KIAA1217: variants seen among roughly 807,000 people sequenced by gnomAD.
KIAA1217 encodes the protein KIAA1217.
KIAA1217 carries 88 observed loss-of-function variants against 163.9 expected under a neutral mutation model. The ratio of observed to expected loss-of-function variants is 0.54; its 90% CI spans 0.45 to 0.64. The LOEUF (loss-of-function observed/expected upper bound fraction) is 0.64, where lower values mean the gene tolerates loss of function less well. KIAA1217 is among the 30% of genes least tolerant of loss of function. The probability of loss-of-function intolerance (pLI) is 0.00; values close to 1 mark genes in which losing one functional copy is unlikely to be tolerated. For synonymous variants in KIAA1217, 903 were observed against 923.1 expected (o/e 0.98, Z 0.39); for missense variants, 2,372 against 2,475.0 (o/e 0.96, Z 0.88).
At chr10:23,854,849 T>G (rs894313599) in intron 1 of KIAA1217, among the ~76,000 whole-genome samples, 3 of 152,190 alleles carry the variant, frequency 2.0e-5, no homozygotes, top group African/African-American at 7.2e-5. Context: ...CTGCCTTTTT[T>G]TGTTTTCCAT....
At chr10:23,798,688 A>G (rs894410299) in intron 1 of KIAA1217, among the ~76,000 whole-genome samples, 1 of 152,200 alleles carries the variant, frequency 6.6e-6, no homozygotes, top group African/African-American at 2.4e-5. Flanking sequence ...CCCCTAAAAT[A>G]TTCTGAAATG....
At chr10:24,526,970 G>A (rs908083937) in intron 13 of KIAA1217, among the ~76,000 whole-genome samples, 1 of 152,106 alleles carries the variant, frequency 6.6e-6, no homozygotes, top group African/African-American at 2.4e-5. Context: ...CCAATTCTTA[G>A]GTTATAAGGT....
At chr10:23,828,253 A>G (rs1292284040) in intron 1 of KIAA1217, among the ~76,000 whole-genome samples, 1 of 152,142 alleles carries the variant, frequency 6.6e-6, no homozygotes, top group Non-Finnish European at 1.5e-5. Context: ...TAATTGTGCC[A>G]GTGTCCCTGG....
At position 24,493,135 on chromosome 10, in the gene KIAA1217, C is replaced by T. The variant is rs963903308; in HGVS notation, c.1680-1365C>T. On this transcript the variant is annotated intron_variant, in intron 6 of 20. Transcript: ENST00000376454. ...TGCTGGAATTACAGGCAGGAGCCAC[C>T]GTGCCCGGCCAGACCATCATTACTT... Among the ~76,000 whole-genome samples, 5 of 152,304 alleles carry T rather than the reference C, an allele frequency of 3.3e-5. No homozygotes were observed. The South Asian group carries it at 6.2e-4, about 19-fold the overall frequency.
chr10:23,806,337 A>T (rs565831529), intron 1 of KIAA1217, among the ~76,000 whole-genome samples: 6 of 152,360 alleles, frequency 3.9e-5, no homozygotes, highest in African/African-American at 1.4e-4. Flanking sequence ...CCAAACTGAA[A>T]AATAAGAAAC....
chr10:24,205,482 A>G (rs948363758), upstream of KIAA1217, among the ~76,000 whole-genome samples: 27 of 151,774 alleles, frequency 1.8e-4, no homozygotes, highest in African/African-American at 6.5e-4. Flanking sequence ...TCTCAAAAAA[A>G]AGGAAAAAAT....
chr10:24,435,073 C>T (rs1160738353), intron 4 of KIAA1217, among the ~76,000 whole-genome samples: 2 of 152,166 alleles, frequency 1.3e-5, no homozygotes, highest in African/African-American at 4.8e-5. Flanking sequence ...AAAAAATATG[C>T]CTCTAGTGCA....
At chr10:24,404,339 T>C (rs1189968194) in intron 3 of KIAA1217, among the ~76,000 whole-genome samples, 6 of 152,000 alleles carry the variant, frequency 3.9e-5, no homozygotes. Flanking sequence ...GAGGCCAAGG[T>C]GGGCACATCA....
At chr10:24,212,797 A>C (rs1189280891) in intron 1 of KIAA1217, among the ~76,000 whole-genome samples, 1 of 152,200 alleles carries the variant, frequency 6.6e-6, no homozygotes, top group Non-Finnish European at 1.5e-5. Flanking sequence ...AGCAAGGACC[A>C]TGTTTTATTT....
intron 1 of KIAA1217, among the ~76,000 whole-genome samples, chr10:23,795,425 T>C (rs1362927605): frequency 6.6e-6 from 1 of 152,158 alleles, no homozygotes; most frequent in African/African-American, 2.4e-5. Context: ...AGACATGATT[T>C]CAGGGCACAA....
chr10:24,525,836 A>C (rs1268765607), intron 13 of KIAA1217, among the ~76,000 whole-genome samples: 2 of 152,006 alleles, frequency 1.3e-5, no homozygotes, highest in East Asian at 1.9e-4. Context: ...AAAAAAATAC[A>C]AAAATTAGCT....
intron 1 of KIAA1217, among the ~76,000 whole-genome samples, chr10:23,907,292 TTGTGTG>T (rs146002283): frequency 7.3e-4 from 106 of 145,858 alleles, no homozygotes; most frequent in African/African-American, 2.5e-3. Flanking sequence ...CCAATATGAT[TTGTGTG>T]TGTGTGTGTG....
chr10:24,488,193 G>A (rs746033320), intron 6 of KIAA1217, among the ~76,000 whole-genome samples: 1 of 152,172 alleles, frequency 6.6e-6, no homozygotes, highest in Non-Finnish European at 1.5e-5. Context: ...TCAGAGGATG[G>A]CTGTAAAGAT....
chr10:23,943,655 G>T (rs1361199716), intron 1 of KIAA1217, among the ~76,000 whole-genome samples: 7 of 152,152 alleles, frequency 4.6e-5, no homozygotes, highest in Admixed American at 4.6e-4. Context: ...AGAATCAAAG[G>T]TCCTAAAATA....
chr10:23,724,821 T>C (rs1838048245), intron 1 of KIAA1217, among the ~76,000 whole-genome samples: 1 of 152,220 alleles, frequency 6.6e-6, no homozygotes. Context: ...CTTTAATTAA[T>C]TGTCATTGAG....
rs150446920 is a variant in KIAA1217, at chr10:23,907,148, C to G, written c.-320-100077C>G. Reference sequence around the variant, plus strand: ...TGGCCTAAAGACCTTTATTGGACTGCTGCTTTGCTTGAGTTATTCAACAAA... The same window carrying G: ...TGGCCTAAAGACCTTTATTGGACTGGTGCTTTGCTTGAGTTATTCAACAAA... On this transcript the variant is annotated intron_variant, in intron 1 of 18. Transcript: ENST00000376462. Among the ~76,000 whole-genome samples the G allele has an allele frequency of 3.5e-3, 536 of 152,240 alleles. 2 individuals are homozygous for G. The highest frequency in any genetic ancestry group is 5.5e-3 in the Non-Finnish European group (374 of 68,006).
intron 1 of KIAA1217, among the ~76,000 whole-genome samples, chr10:23,910,449 C>T (rs1021998099): frequency 6.6e-6 from 1 of 152,156 alleles, no homozygotes; most frequent in Non-Finnish European, 1.5e-5. Flanking sequence ...CTCTGCATGG[C>T]TCTGACTAGA....
intron 6 of KIAA1217, among the ~76,000 whole-genome samples, chr10:24,490,874 G>A (rs1332162289): frequency 3.9e-5 from 6 of 152,166 alleles, no homozygotes; most frequent in Non-Finnish European, 5.9e-5. Flanking sequence ...CCTGAACGAG[G>A]CCATCCAGGG....
At chr10:24,499,222 C>T (rs1011590783) in intron 8 of KIAA1217, among the ~76,000 whole-genome samples, 1 of 152,222 alleles carries the variant, frequency 6.6e-6, no homozygotes, top group African/African-American at 2.4e-5. Flanking sequence ...GAATCACTGA[C>T]ATTGGAAGGC....
Sources: gnomAD v4.1 joint callset for allele counts (sites outside exome capture counted in the v4.1 genomes callset) on GRCh38, gnomAD v4.1.1 for gene constraint, MANE v1.5 for transcripts, NCBI Gene and HGNC (gene_info 2026-07-23, HGNC 2026-07-21) for gene names.